The following NLE1 variants were observed in gnomAD, a reference collection of about 807,000 sequenced individuals.
NLE1 encodes the protein notchless homolog 1, also known as notchless protein homolog 1.
Under a neutral mutation model 62.8 loss-of-function variants are expected in NLE1, and 37 were observed. That is an observed-to-expected ratio of 0.59 (90% CI 0.45 to 0.78). The LOEUF is 0.78. Ranked by LOEUF, NLE1 falls within the 30% of genes least tolerant of loss-of-function variation. NLE1 has a pLI of 0.00. For missense variants in NLE1, 555 were observed against 637.9 expected (o/e 0.87, Z 1.40); for synonymous variants, 243 against 253.0 (o/e 0.96, Z 0.37).
chr17:35,133,080 C>T (rs535545315), intron 12 of NLE1, 91 bp downstream of exon 12: 19 of 1,288,096 alleles, frequency 1.5e-5, no homozygotes, highest in East Asian at 4.6e-5. Context: ...GACGGCCCTG[C>T]GGAATTCTAT....
In NLE1 at chr17:35,141,574, A is replaced by T. The variant is rs894434000; in HGVS notation, c.162+405T>A. On this transcript the variant is annotated intron_variant, in intron 2 of 12. Coordinates refer to ENST00000442241, the MANE Select transcript of NLE1 (RefSeq NM_018096.5). ...TCTCAAAAAAAAAAAAAAAAAAGGT[A>T]AATAAATAAATAAATAAAAGCATGG... 5.6e-5 allele frequency among the ~76,000 whole-genome samples: 8 copies of T among 143,760 alleles called. No homozygotes were observed. The East Asian group carries it at 1.4e-3, about 25-fold the overall frequency. 94.3% of individuals were successfully genotyped at this position (143,760 alleles called of 152,430 possible).
At position 35,129,537 on chromosome 17, in the gene NLE1, T is replaced by C; in HGVS notation, c.*2900A>G. On this transcript the variant is annotated 3_prime_UTR_variant, in exon 13 of 13. Coordinates refer to ENST00000442241, the MANE Select transcript of NLE1 (RefSeq NM_018096.5). ...CCCGAGGCAAAGAATCGTCCATGGA[T>C]CTTCAACAAGATTTTGGGCACTACT... 1 of 1,614,156 alleles carries C rather than the reference T, an allele frequency of 6.2e-7. No homozygotes were observed. Among genetic ancestry groups the C allele is most frequent in the South Asian group, 1.1e-5 (1 of 91,082 alleles).
chr17:35,134,394 A>G (rs2091896350), intron 10 of NLE1, among the ~76,000 whole-genome samples: 1 of 151,818 alleles, frequency 6.6e-6, no homozygotes, highest in Non-Finnish European at 1.5e-5. Context: ...CTCCTAAGAC[A>G]TAAACTAGCA....
chr17:35,140,220 T>TTTTA (rs1478315760), intron 2 of NLE1, among the ~76,000 whole-genome samples, 154 bp from the exon 3 acceptor site: 3 of 152,274 alleles, frequency 2.0e-5, no homozygotes, highest in South Asian at 2.1e-4. Flanking sequence ...GAGCAAGACC[T>TTTTA]TTTATTTATT....
At chr17:35,135,079 C>CA in intron 10 of NLE1, 170 bp downstream of exon 10, 1 of 714,858 alleles carries the variant, frequency 1.4e-6, no homozygotes, top group South Asian at 1.5e-5. Context: ...AACAAACAAA[C>CA]AAACACCTTG....
At position 35,142,263 on chromosome 17, in the gene NLE1, C is replaced by A. The variant is rs1187296532; in HGVS notation, c.13G>T (p.Val5Leu). The A allele has an allele frequency of 6.5e-7, 1 of 1,544,058 alleles. No individual in the cohort carries two copies. The change falls in exon 1 of 13, where the codon GTG becomes TTG. Residue 5 changes from valine to leucine, a missense_variant. Transcript: ENST00000442241. MAAA[V>L]PDEAVARDVQ... ...CCCCATCCACGCACACCCACCGGCA[C>A]TGCTGCCGCCATCCTGCGTCCCCAC...
chr17:35,140,287 G>A (rs2091935243), intron 2 of NLE1, among the ~76,000 whole-genome samples: 1 of 152,168 alleles, frequency 6.6e-6, no homozygotes, highest in Admixed American at 6.5e-5. Flanking sequence ...GGAGTGCAGT[G>A]GAGCAATCTC....
Position 35,130,565 on chromosome 17 carries a change from C to A in NLE1, c.*1872G>T. 1.0e-6 allele frequency: 1 copy of A among 977,348 alleles called. No homozygotes were observed. The highest frequency in any genetic ancestry group is 1.5e-6 in the Non-Finnish European group (1 of 677,162). The allele number at this position is 977,348 out of a possible 1,614,324, so 60.5% of individuals were successfully genotyped here. On this transcript the variant is annotated 3_prime_UTR_variant, in exon 13 of 13. Coordinates refer to ENST00000442241, the MANE Select transcript of NLE1 (RefSeq NM_018096.5). ...GGGTCTGGCAGAGTGGTATGGGCACCCCACCCCTGGGCTGGGGCCAAGGCT... is the reference window on the plus strand; with the variant it reads ...GGGTCTGGCAGAGTGGTATGGGCACACCACCCCTGGGCTGGGGCCAAGGCT...
chr17:35,134,640 T>C (rs938293243), intron 10 of NLE1, among the ~76,000 whole-genome samples: 2 of 152,158 alleles, frequency 1.3e-5, no homozygotes, highest in South Asian at 2.1e-4. Context: ...ACTCAGGTGA[T>C]CTGCCTGCCT....
At chr17:35,138,871 C>T (rs956113701) in intron 4 of NLE1, among the ~76,000 whole-genome samples, 8 of 152,130 alleles carry the variant, frequency 5.3e-5, no homozygotes, top group African/African-American at 1.9e-4. Context: ...AGCCTCTCAC[C>T]ATGTCCCATA....
In NLE1 at chr17:35,130,250, G is replaced by C. The variant is rs115618719; in HGVS notation, c.*2187C>G. On this transcript the variant is annotated 3_prime_UTR_variant, in exon 13 of 13. Coordinates refer to ENST00000442241, the MANE Select transcript of NLE1 (RefSeq NM_018096.5). Reference sequence around the variant, plus strand: ...GAGAGCCAGGTTCAGATCTGGGAAGGAACTCTGAAGGGTTTTCTTGTTTCA... The same window carrying C: ...GAGAGCCAGGTTCAGATCTGGGAAGCAACTCTGAAGGGTTTTCTTGTTTCA... 580 of 1,607,952 alleles carry C rather than the reference G, an allele frequency of 3.6e-4. 3 individuals are homozygous for C. In the African/African-American group the frequency reaches 7.2e-3, roughly 20 times the overall value.
Position 35,142,248 on chromosome 17 carries a change from G to T in NLE1, c.18+10C>A. On this transcript the variant is annotated intron_variant, in intron 1 of 12. Coordinates refer to ENST00000442241, the MANE Select transcript of NLE1 (RefSeq NM_018096.5). ...GGCGACGCCCCCCGCCCCCATCCAC[G>T]CACACCCACCGGCACTGCTGCCGCC... 4.5e-6 allele frequency: 7 copies of T among 1,549,534 alleles called. No homozygotes were observed. In the South Asian group the frequency reaches 7.0e-5, roughly 16 times the overall value.
rs2091880312 is a variant in NLE1 at position 35,132,284 on chromosome 17, C to T, written c.*153G>A. On this transcript the variant is annotated 3_prime_UTR_variant, in exon 13 of 13. Transcript: ENST00000442241. ...CGGGGATCTGTGGGAAAACCCCATT[C>T]CGGTCTATCGAGGACAGCAGGCCAC... 3.7e-6 allele frequency: 2 copies of T among 539,668 alleles called. No individual in the cohort carries two copies. The highest frequency in any genetic ancestry group is 3.9e-5 in the African/African-American group (2 of 50,676). 33.4% of individuals were successfully genotyped at this position (539,668 alleles called of 1,614,324 possible). A position where few individuals can be genotyped will look rare whatever the true frequency, so the allele number is the denominator to read the frequency against.
intron 5 of NLE1, 39 bp downstream of exon 5, chr17:35,137,775 C>T: frequency 6.5e-7 from 1 of 1,538,420 alleles, no homozygotes; most frequent in East Asian, 2.3e-5. Context: ...TAGGAAGGCC[C>T]CCTTGAGTCT....
chr17:35,139,662 TC>T (rs1223967630), intron 3 of NLE1, among the ~76,000 whole-genome samples, 186 bp downstream of exon 3: 4 of 151,882 alleles, frequency 2.6e-5, no homozygotes, highest in Non-Finnish European at 5.9e-5. Flanking sequence ...AAGGCAGGGG[TC>T]CTTAAGCAGC....
chr17:35,139,819 C>T (rs1474498644), intron 3 of NLE1, 30 bp downstream of exon 3: 6 of 1,603,000 alleles, frequency 3.7e-6, no homozygotes, highest in Admixed American at 1.7e-5. Flanking sequence ...CCCCCACATA[C>T]CCCCTCCATG....
rs2142497160 is a variant in NLE1, at chr17:35,130,961, A to G, written c.*1476T>C. 6.4e-6 allele frequency: 1 copy of G among 156,700 alleles called. No homozygotes were observed. The highest frequency in any genetic ancestry group is 1.9e-4 in the East Asian group (1 of 5,276). The allele number at this position is 156,700 out of a possible 1,614,324, so 9.7% of individuals were successfully genotyped here. Reference sequence around the variant, plus strand: ...CCAGAAAAATACAGAAATAGCTGTCATGGACAGACGTGGTGGCCCATGAAC... The same window carrying G: ...CCAGAAAAATACAGAAATAGCTGTCGTGGACAGACGTGGTGGCCCATGAAC... On this transcript the variant is annotated 3_prime_UTR_variant, in exon 13 of 13. Coordinates refer to ENST00000442241, the MANE Select transcript of NLE1 (RefSeq NM_018096.5).
rs1185276812 is a variant in NLE1 at position 35,136,354 on chromosome 17, T to C, written c.964+8A>G. 1 of 1,612,144 alleles carries C rather than the reference T, an allele frequency of 6.2e-7. No individual in the cohort carries two copies. Among genetic ancestry groups the C allele is most frequent in the Admixed American group, 1.7e-5 (1 of 59,970 alleles). On this transcript the variant is annotated splice_region_variant and intron_variant, in intron 8 of 12. Coordinates refer to ENST00000442241, the MANE Select transcript of NLE1 (RefSeq NM_018096.5). ...CAGCCCCCGCTCTTCCTTCTCCCAA[T>C]CACTCACAGGATCCTTGGAGGTCTT... is the stretch of plus-strand genomic sequence containing the variant.
chr17:35,135,763 A>G (rs1179679105), intron 9 of NLE1, among the ~76,000 whole-genome samples: 1 of 152,228 alleles, frequency 6.6e-6, no homozygotes, highest in Non-Finnish European at 1.5e-5. Flanking sequence ...GTGTGCTTAT[A>G]CATATATACT....
Sources: gnomAD v4.1 joint callset for allele counts (sites outside exome capture counted in the v4.1 genomes callset) on GRCh38, gnomAD v4.1.1 for gene constraint, MANE v1.5 for transcripts, NCBI Gene and HGNC (gene_info 2026-07-23, HGNC 2026-07-21) for gene names.